CDH13: variants seen among roughly 807,000 people sequenced by gnomAD.
The protein encoded by CDH13 is cadherin 13, also known as cadherin-13.
CDH13 carries 24 observed loss-of-function variants against 63.8 expected under a neutral mutation model. The ratio of observed to expected loss-of-function variants is 0.38; its 90% CI spans 0.27 to 0.53. The LOEUF is 0.53. Ranked by LOEUF, CDH13 falls within the 20% of genes least tolerant of loss-of-function variation. CDH13 has a pLI of 0.85. For missense variants in CDH13, 1,049 were observed against 903.1 expected, an observed-to-expected ratio of 1.16 and a Z score of -2.07; for synonymous variants, 503 against 355.3, an observed-to-expected ratio of 1.42 and a Z score of -4.67.
chr16:83,204,865 G>A (rs1175155131), intron 4 of CDH13, among the ~76,000 whole-genome samples: 2 of 152,204 alleles, frequency 1.3e-5, no homozygotes, highest in Admixed American at 6.5e-5. Context: ...TCACCATGAG[G>A]AAGGAAAAGG....
intron 11 of CDH13, among the ~76,000 whole-genome samples, chr16:83,778,967 A>T (rs1474149643): frequency 6.6e-6 from 1 of 152,194 alleles, no homozygotes; most frequent in African/African-American, 2.4e-5. Context: ...CTGGCTACTT[A>T]TGTAAAAGAT....
intron 6 of CDH13, among the ~76,000 whole-genome samples, chr16:83,425,906 C>T (rs753325552): frequency 3.3e-5 from 5 of 152,122 alleles, no homozygotes; most frequent in Non-Finnish European, 7.4e-5. Flanking sequence ...ACAGATACAG[C>T]ATTGAACCAC....
intron 5 of CDH13, among the ~76,000 whole-genome samples, chr16:83,338,395 G>C (rs1053726125): frequency 6.6e-6 from 1 of 152,152 alleles, no homozygotes; most frequent in African/African-American, 2.4e-5. Context: ...CTCTTAAAGA[G>C]GCATAGCCTC....
intron 7 of CDH13, among the ~76,000 whole-genome samples, chr16:83,583,049 G>T (rs188759196): frequency 2.4e-4 from 36 of 152,244 alleles, no homozygotes; most frequent in Non-Finnish European, 4.7e-4. Context: ...GCTGTCTCTC[G>T]TGGTCCCAGG....
intron 2 of CDH13, among the ~76,000 whole-genome samples, chr16:82,961,004 A>G (rs1906896244): frequency 6.6e-6 from 1 of 152,164 alleles, no homozygotes; most frequent in Non-Finnish European, 1.5e-5. Context: ...CTGCCTTGGC[A>G]ACGTCTCCTG....
intron 6 of CDH13, among the ~76,000 whole-genome samples, chr16:83,374,008 C>T (rs954121903): frequency 2.0e-5 from 3 of 152,194 alleles, no homozygotes; most frequent in Non-Finnish European, 2.9e-5. Context: ...AGGTCTTTCT[C>T]TATTCAGGCC....
intron 2 of CDH13, among the ~76,000 whole-genome samples, chr16:83,011,960 T>G (rs766546198): frequency 7.2e-5 from 11 of 152,164 alleles, no homozygotes; most frequent in Non-Finnish European, 1.2e-4. Context: ...AACGCTGCCT[T>G]ATTCTCCTTT....
At chr16:83,320,207 T>C (rs2090190974) in intron 5 of CDH13, among the ~76,000 whole-genome samples, 1 of 150,380 alleles carries the variant, frequency 6.6e-6, no homozygotes, top group Non-Finnish European at 1.5e-5. Flanking sequence ...GCCTGGATAA[T>C]TGTTCCTTTT....
chr16:83,776,016 C>G (rs1915086202), intron 11 of CDH13, among the ~76,000 whole-genome samples: 1 of 152,138 alleles, frequency 6.6e-6, no homozygotes, highest in African/African-American at 2.4e-5. Context: ...TTTTCTCTAT[C>G]CCGTGCATAG....
chr16:83,239,704 C>T (rs947750282), intron 5 of CDH13, among the ~76,000 whole-genome samples: 62 of 152,274 alleles, frequency 4.1e-4, no homozygotes, highest in African/African-American at 1.4e-3. Flanking sequence ...TCAACAGATA[C>T]CTACTTGGCT....
At chr16:82,858,166 G>C (rs1278209540) in intron 1 of CDH13, among the ~76,000 whole-genome samples, 196 bp from the exon 2 acceptor site, 1 of 152,186 alleles carries the variant, frequency 6.6e-6, no homozygotes, top group African/African-American at 2.4e-5. Context: ...TGCAGCAGCT[G>C]TTCCATTTGC....
intron 3 of CDH13, among the ~76,000 whole-genome samples, chr16:83,114,053 C>T (rs75901262): frequency 6.6e-6 from 1 of 152,240 alleles, no homozygotes; most frequent in African/African-American, 2.4e-5. Context: ...CTGATGAAAA[C>T]TGTTACTTCT....
At position 83,394,739 on chromosome 16, in the gene CDH13, G is replaced by T. The variant is rs147217572; in HGVS notation, c.781+49733G>T. Among the ~76,000 whole-genome samples the T allele has an allele frequency of 6.3e-3, 952 of 152,304 alleles. 9 individuals are homozygous for T. The highest frequency in any genetic ancestry group is 0.021 in the African/African-American group (866 of 41,548). On this transcript the variant is annotated intron_variant, in intron 6 of 13. Coordinates refer to ENST00000567109, the MANE Select transcript of CDH13 (RefSeq NM_001257.5). Reference sequence around the variant, plus strand: ...TGAGGAGGGTGGGACAGTTACATAGGTGGATTGAGCCAGACTGGTAGCAAT... The same window carrying T: ...TGAGGAGGGTGGGACAGTTACATAGTTGGATTGAGCCAGACTGGTAGCAAT...
rs1460328038 is a variant in CDH13, at chr16:83,047,762, G to C, written c.366+15544G>C. Among the ~76,000 whole-genome samples the C allele has an allele frequency of 6.6e-6, 1 of 152,202 alleles. No homozygotes were observed. Among genetic ancestry groups the C allele is most frequent in the Non-Finnish European group, 1.5e-5 (1 of 68,040 alleles). On this transcript the variant is annotated intron_variant, in intron 3 of 13. Transcript: ENST00000567109. This position sits in a 1 kb window ranked among gnomAD's most constrained non-coding sequence, Gnocchi z 4.9. ...ATTGATATTAATAATGCAGATCGTA[G>C]TCAATTTATTTAGCTCAAACGTTGT...
intron 4 of CDH13, among the ~76,000 whole-genome samples, chr16:83,174,443 C>A (rs2038043256): frequency 6.6e-6 from 1 of 151,930 alleles, no homozygotes; most frequent in Admixed American, 6.6e-5. Flanking sequence ...TGGATTGCAG[C>A]AAGACCGAAG....
intron 4 of CDH13, among the ~76,000 whole-genome samples, chr16:83,181,345 C>A (rs888011163): frequency 1.3e-5 from 2 of 152,162 alleles, no homozygotes; most frequent in Non-Finnish European, 2.9e-5. Flanking sequence ...GATAAGTCTG[C>A]AGAGGGGTCC....
intron 6 of CDH13, among the ~76,000 whole-genome samples, chr16:83,428,370 ATTT>A (rs111285871): frequency 1.9e-4 from 29 of 149,242 alleles, no homozygotes; most frequent in Middle Eastern, 3.4e-3. Flanking sequence ...CCATGGTTAG[ATTT>A]TTTTTTTTTA....
rs904121448 is a variant in CDH13 at position 83,799,990 on chromosome 16, A to G, written c.*4960A>G. The G allele has an allele frequency of 3.3e-5, 5 of 152,230 alleles. No individual in the cohort carries two copies. The highest frequency in any genetic ancestry group is 2.0e-4 in the Admixed American group (3 of 15,274). The allele number at this position is 152,230 out of a possible 1,614,324, so 9.4% of individuals were successfully genotyped here. A position where few individuals can be genotyped will look rare whatever the true frequency, so the allele number is the denominator to read the frequency against. On this transcript the variant is annotated 3_prime_UTR_variant, in exon 14 of 14. Coordinates refer to ENST00000567109, the MANE Select transcript of CDH13 (RefSeq NM_001257.5). ...TATAATTTAAGCAGAAATAATTGAG[A>G]TACTCATCAAATTAAGTAAGCGGAA...
At chr16:82,924,695 A>G (rs1023253466) in intron 2 of CDH13, among the ~76,000 whole-genome samples, 3 of 152,214 alleles carry the variant, frequency 2.0e-5, no homozygotes. Flanking sequence ...TGAGGTTTCC[A>G]GTGCAGTAGC....
Sources: gnomAD v4.1 joint callset for allele counts (sites outside exome capture counted in the v4.1 genomes callset) on GRCh38, gnomAD v4.1.1 for gene constraint, Gnocchi (gnomAD v3.1) non-coding constraint, MANE v1.5 for transcripts, NCBI Gene and HGNC (gene_info 2026-07-23, HGNC 2026-07-21) for gene names.